EMCN: variants seen among roughly 807,000 people sequenced by gnomAD.
EMCN encodes MUC-14.
A neutral mutation model predicts 38.4 loss-of-function variants in EMCN; 37 were observed. The observed-to-expected ratio is 0.96, with a 90% CI of 0.74 to 1.27. EMCN has a LOEUF of 1.27. Ranked by LOEUF, EMCN falls within the 50% of genes most tolerant of loss-of-function variation. The probability of loss-of-function intolerance (pLI) is 0.00; values close to 1 mark genes in which losing one functional copy is unlikely to be tolerated. For synonymous variants in EMCN, 95 were observed against 100.8 expected (o/e 0.94, Z 0.35); for missense variants, 318 against 302.8 (o/e 1.05, Z -0.37).
chr4:100,465,041 A>T (rs1345119716), intron 4 of EMCN, among the ~76,000 whole-genome samples: 1 of 151,996 alleles, frequency 6.6e-6, no homozygotes, highest in Non-Finnish European at 1.5e-5. Flanking sequence ...TCCTATTTCA[A>T]TTTCTTTAAT....
intron 1 of EMCN, among the ~76,000 whole-genome samples, chr4:100,504,289 G>A (rs915405255): frequency 2.0e-5 from 3 of 152,144 alleles, no homozygotes; most frequent in Non-Finnish European, 4.4e-5. Context: ...AAAGATAGCC[G>A]ATAGCTGCCT....
At chr4:100,490,564 C>T (rs1164976314) in intron 1 of EMCN, among the ~76,000 whole-genome samples, 1 of 152,022 alleles carries the variant, frequency 6.6e-6, no homozygotes, top group African/African-American at 2.4e-5. Context: ...TTTTACTGTG[C>T]CTTTTCTATG....
chr4:100,514,459 T>C (rs1729704688), intron 1 of EMCN, among the ~76,000 whole-genome samples: 1 of 152,104 alleles, frequency 6.6e-6, no homozygotes, highest in African/African-American at 2.4e-5. Flanking sequence ...CCTAGTTTCC[T>C]TACCTTTTAT....
Position 100,491,136 on chromosome 4 carries a change from AT to A in EMCN, c.65-11098del, listed in dbSNP as rs1300936445. The stretch of plus-strand genomic sequence containing the variant: ...ATTCTTCATTCTGTTGTTTCCTTTG[AT>A]GTATAGGGCTTTTTATTTTTATGTA... On this transcript the variant is annotated intron_variant, in intron 1 of 11. Coordinates refer to ENST00000296420, the MANE Select transcript of EMCN (RefSeq NM_016242.4). Among the ~76,000 whole-genome samples the A allele has an allele frequency of 6.6e-5, 10 of 152,068 alleles. No homozygotes were observed. In the South Asian group the frequency reaches 1.9e-3, roughly 28 times the overall value.
At position 100,422,873 on chromosome 4, in the gene EMCN, A is replaced by G. The variant is rs1726931896; in HGVS notation, c.568+148T>C. The G allele has an allele frequency of 5.6e-6, 3 of 537,038 alleles. No individual in the cohort carries two copies. In the Admixed American group the frequency reaches 1.1e-4, roughly 19 times the overall value. 33.3% of individuals were successfully genotyped at this position (537,038 alleles called of 1,614,324 possible). On this transcript the variant is annotated intron_variant, in intron 7 of 11. Transcript: ENST00000296420. ...CTCACTTGTGGGAAATTTTCAGAGC[A>G]GGCAGCAGTTAGATGGGATTGTAAT...
chr4:100,487,009 T>C, intron 1 of EMCN: 1 of 985,238 alleles, frequency 1.0e-6, no homozygotes, highest in Non-Finnish European at 1.2e-6. Context: ...ATAGCCAGTT[T>C]GGTTGAGGAA....
chr4:100,411,271 C>A (rs896234768), intron 10 of EMCN, among the ~76,000 whole-genome samples: 3 of 152,126 alleles, frequency 2.0e-5, no homozygotes, highest in African/African-American at 4.8e-5. Context: ...TTCTGCAGCA[C>A]CCCCAGCCCC....
At position 100,396,537 on chromosome 4, in the gene EMCN, T is replaced by A. The variant is rs945108264; in HGVS notation, c.*1876A>T. On this transcript the variant is annotated 3_prime_UTR_variant, in exon 12 of 12. Transcript: ENST00000296420. ...CTGGGACTTTCTTTCTTTCTTTTTT[T>A]TCCTTTTTTTTTTTTTTTTTTTTGA... is the stretch of plus-strand genomic sequence containing the variant. The A allele has an allele frequency of 7.6e-6, 1 of 130,768 alleles. No individual in the cohort carries two copies. Among genetic ancestry groups the A allele is most frequent in the Admixed American group, 9.6e-5 (1 of 10,394 alleles). The allele number at this position is 130,768 out of a possible 1,614,324, so 8.1% of individuals were successfully genotyped here.
At chr4:100,407,146 G>A (rs1433890146) in intron 11 of EMCN, among the ~76,000 whole-genome samples, 2 of 152,166 alleles carry the variant, frequency 1.3e-5, no homozygotes, top group African/African-American at 4.8e-5. Context: ...CTTAAAGACA[G>A]CATACACTTG....
At chr4:100,410,923 A>G (rs1201128386) in intron 10 of EMCN, among the ~76,000 whole-genome samples, 1 of 152,196 alleles carries the variant, frequency 6.6e-6, no homozygotes, top group South Asian at 2.1e-4. Context: ...TGGCAAGCTG[A>G]GAGGCCCCAA....
At chr4:100,494,614 TC>T (rs1729164759) in intron 1 of EMCN, among the ~76,000 whole-genome samples, 1 of 151,992 alleles carries the variant, frequency 6.6e-6, no homozygotes, top group Non-Finnish European at 1.5e-5. Context: ...CTTCTCAAAT[TC>T]CAAGACACAG....
chr4:100,481,628 A>G (rs999531384), intron 1 of EMCN, among the ~76,000 whole-genome samples: 6 of 152,102 alleles, frequency 3.9e-5, no homozygotes, highest in African/African-American at 9.7e-5. Context: ...TCTTTTCTCC[A>G]TTAGTCATTT....
intron 11 of EMCN, among the ~76,000 whole-genome samples, chr4:100,399,166 A>AT (rs1726188598): frequency 6.6e-6 from 1 of 152,144 alleles, no homozygotes; most frequent in Non-Finnish European, 1.5e-5. Flanking sequence ...AGTATTTTGC[A>AT]TTTTTCTCTG....
chr4:100,481,905 CCT>C lies in EMCN; in HGVS notation c.65-1868_65-1867del, dbSNP rs376922376. On this transcript the variant is annotated intron_variant, in intron 1 of 11. Coordinates refer to ENST00000296420, the MANE Select transcript of EMCN (RefSeq NM_016242.4). ...CCCTTCCTCCCTTCCTTCTTTCCTC[CCT>C]CTTTCCTTCTTTCTCTTCCTTCCTC... Among the ~76,000 whole-genome samples, 1,360 of 151,372 alleles carry C rather than the reference CCT, an allele frequency of 9.0e-3. 15 individuals carry two copies. The highest frequency in any genetic ancestry group is 0.031 in the South Asian group (147 of 4,776).
rs143059071 is a variant in EMCN, at chr4:100,497,416, G to T, written c.65-17377C>A. On this transcript the variant is annotated intron_variant, in intron 1 of 11. Coordinates refer to ENST00000296420, the MANE Select transcript of EMCN (RefSeq NM_016242.4). ...TTTTGAGACGGAGTCTCGCCCTGTCGCCCAGGCTGGAGTGCAGTAGCCCAA... is the reference window on the plus strand; with the variant it reads ...TTTTGAGACGGAGTCTCGCCCTGTCTCCCAGGCTGGAGTGCAGTAGCCCAA... Among the ~76,000 whole-genome samples, 44 of 151,536 alleles carry T rather than the reference G, an allele frequency of 2.9e-4. 1 individual carries two copies. In the East Asian group the frequency reaches 8.5e-3, roughly 29 times the overall value.
At chr4:100,456,118 C>T (rs1000178807) in intron 4 of EMCN, among the ~76,000 whole-genome samples, 2 of 152,056 alleles carry the variant, frequency 1.3e-5, no homozygotes, top group African/African-American at 2.4e-5. Context: ...AATATGTTTT[C>T]GGTCCATCCT....
chr4:100,410,336 T>G lies in EMCN; in HGVS notation c.771A>C (p.Gly257=). The change falls in exon 11 of 12, where the codon GGA becomes GGC. Residue 257 remains glycine, a synonymous_variant. Coordinates refer to ENST00000296420, the MANE Select transcript of EMCN (RefSeq NM_016242.4). ...SHESGEHSAQ[G]KTKN ...CCTCAAGCTGTCAGTTCTTGGTTTT[T>G]CCTTGTGCAGAGTGCTCACCTGAGA... is the stretch of plus-strand genomic sequence containing the variant. 1.2e-6 allele frequency: 2 copies of G among 1,613,896 alleles called. No homozygotes were observed. Among genetic ancestry groups the G allele is most frequent in the Non-Finnish European group, 8.5e-7 (1 of 1,179,802 alleles).
At position 100,434,113 on chromosome 4, in the gene EMCN, G is replaced by A. The variant is rs185091808; in HGVS notation, c.416-10709C>T. ...TGGCTTTTTGAAAAAATTAATAAAA[G>A]AGACTACTATCTAGACTAATAAAGA... is the stretch of plus-strand genomic sequence containing the variant. On this transcript the variant is annotated intron_variant, in intron 5 of 11. Transcript: ENST00000296420. Among the ~76,000 whole-genome samples, 206 of 151,894 alleles carry A rather than the reference G, an allele frequency of 1.4e-3. 1 individual carries two copies. Among genetic ancestry groups the A allele is most frequent in the African/African-American group, 4.7e-3 (196 of 41,458 alleles).
chr4:100,460,786 C>G (rs767560850), intron 4 of EMCN, among the ~76,000 whole-genome samples: 2 of 152,118 alleles, frequency 1.3e-5, no homozygotes, highest in Non-Finnish European at 1.5e-5. Context: ...TGCACTGAAG[C>G]CTTTTCATTT....
Sources: allele counts gnomAD v4.1 joint callset (sites outside exome capture counted in the v4.1 genomes callset), GRCh38; gene constraint gnomAD v4.1.1; transcripts MANE v1.5; gene names NCBI Gene and HGNC (gene_info 2026-07-23, HGNC 2026-07-21).